Variants in REDIC1 observed in about 807,000 individuals in gnomAD.
The protein encoded by REDIC1 is HEI10 Interacting Protein 1.
At chr12:39,635,562 A>T in the REDIC1 span, among the ~76,000 whole-genome samples, 2 of 143,588 alleles carry the variant, frequency 1.4e-5, no homozygotes, top group Non-Finnish European at 1.5e-5. Flanking sequence ...CAAACACCAC[A>T]TGTTCTCATT....
chr12:39,695,158 G>A, the REDIC1 span, among the ~76,000 whole-genome samples: 2 of 152,112 alleles, frequency 1.3e-5, no homozygotes, highest in Admixed American at 1.3e-4. Context: ...GCATCAGGTG[G>A]GCCTGAGTAC....
the REDIC1 span, among the ~76,000 whole-genome samples, chr12:39,656,309 A>G: frequency 6.6e-6 from 1 of 152,196 alleles, no homozygotes; most frequent in Admixed American, 6.5e-5. Flanking sequence ...TGAATGGCAT[A>G]TATGATGGTG....
the REDIC1 span, among the ~76,000 whole-genome samples, chr12:39,678,648 A>G: frequency 8.7e-5 from 11 of 126,820 alleles, no homozygotes; most frequent in South Asian, 2.7e-3. Flanking sequence ...AAAAAAAAAA[A>G]AGGAAACTAT....
the REDIC1 span, among the ~76,000 whole-genome samples, chr12:39,746,578 G>A: frequency 6.6e-6 from 1 of 152,206 alleles, no homozygotes; most frequent in South Asian, 2.1e-4. Context: ...GAAGAGAGTA[G>A]TGGTTTTCCC....
chr12:39,650,465 A>G, the REDIC1 span: 1 of 1,366,352 alleles, frequency 7.3e-7, no homozygotes, highest in South Asian at 1.7e-5. The surrounding 1 kb of genome is among the most constrained non-coding windows in gnomAD (Gnocchi z 4.3). Context: ...AAACAGTCCT[A>G]AGTAATACTT....
At chr12:39,671,654 T>C in the REDIC1 span, among the ~76,000 whole-genome samples, 1 of 152,028 alleles carries the variant, frequency 6.6e-6, no homozygotes, top group Non-Finnish European at 1.5e-5. Flanking sequence ...GTGGCATTTG[T>C]TGGTGATAGT....
the REDIC1 span, among the ~76,000 whole-genome samples, chr12:39,709,975 C>A: frequency 2.2e-4 from 34 of 151,788 alleles, no homozygotes; most frequent in African/African-American, 8.2e-4. Context: ...TACATCCTTG[C>A]CAATATTTAT....
the REDIC1 span, among the ~76,000 whole-genome samples, chr12:39,898,561 T>A: frequency 6.6e-6 from 1 of 152,152 alleles, no homozygotes. Flanking sequence ...GCAAAATAGC[T>A]GGCTTGTCTT....
At chr12:39,773,688 T>A in the REDIC1 span, among the ~76,000 whole-genome samples, 1 of 152,192 alleles carries the variant, frequency 6.6e-6, no homozygotes. Context: ...TTATTCTCCA[T>A]GATGAAATAA....
the REDIC1 span, among the ~76,000 whole-genome samples, chr12:39,808,831 C>T: frequency 6.6e-6 from 1 of 152,074 alleles, no homozygotes; most frequent in African/African-American, 2.4e-5. Flanking sequence ...GTTAGATATA[C>T]TTATTGTAAA....
chr12:39,848,211 C>T, the REDIC1 span, among the ~76,000 whole-genome samples: 1 of 152,076 alleles, frequency 6.6e-6, no homozygotes, highest in Non-Finnish European at 1.5e-5. Flanking sequence ...TTGCACACAG[C>T]AAAAGAAACT....
the REDIC1 span, among the ~76,000 whole-genome samples, chr12:39,641,463 A>G: frequency 6.6e-6 from 1 of 151,772 alleles, no homozygotes; most frequent in Non-Finnish European, 1.5e-5. Flanking sequence ...GGTCATTGTT[A>G]TGCTGAAATA....
At chr12:39,714,885 C>T in the REDIC1 span, among the ~76,000 whole-genome samples, 3 of 151,336 alleles carry the variant, frequency 2.0e-5, no homozygotes, top group African/African-American at 7.3e-5. Context: ...TCTATTCATG[C>T]CCTTAGCCCA....
the REDIC1 span, among the ~76,000 whole-genome samples, chr12:39,711,550 CATACACATGCATGTGTAT>C: frequency 1.8e-5 from 1 of 55,054 alleles, no homozygotes. Context: ...TATGTATGTG[CATACACATGCATGTGTAT>C]ATGTGCATAC....
At chr12:39,870,731 T>C in the REDIC1 span, among the ~76,000 whole-genome samples, 2 of 152,198 alleles carry the variant, frequency 1.3e-5, no homozygotes, top group African/African-American at 4.8e-5. Flanking sequence ...CCAGCACTGA[T>C]ACTGCAGTTC....
chr12:39,819,106 T>G, the REDIC1 span, among the ~76,000 whole-genome samples: 4 of 152,304 alleles, frequency 2.6e-5, no homozygotes, highest in African/African-American at 7.2e-5. Flanking sequence ...TCTCTGAGGC[T>G]TCAGAAGTTA....
At chr12:39,757,581 CTG>C in the REDIC1 span, 2 of 151,636 alleles carry the variant, frequency 1.3e-5, no homozygotes, top group Non-Finnish European at 3.0e-5. Context: ...CTGTGCCTCT[CTG>C]TCTTATACTT....
At chr12:39,808,761 C>T in the REDIC1 span, among the ~76,000 whole-genome samples, 8,559 of 152,080 alleles carry the variant, frequency 0.056, 285 homozygotes, top group East Asian at 0.14. Flanking sequence ...CTTTTGGCGT[C>T]TTTTGAAAGG....
chr12:39,854,613 A>G, the REDIC1 span, among the ~76,000 whole-genome samples: 9 of 152,198 alleles, frequency 5.9e-5, no homozygotes, highest in African/African-American at 2.2e-4. Context: ...TTCTCCCTCC[A>G]ATCTATATCC....
Sources: allele counts gnomAD v4.1 joint callset (sites outside exome capture counted in the v4.1 genomes callset), GRCh38; gene constraint gnomAD v4.1.1; non-coding constraint Gnocchi (gnomAD v3.1); transcripts MANE v1.5; gene names NCBI Gene and HGNC (gene_info 2026-07-23, HGNC 2026-07-21).